The following EIF4E3 variants were observed in gnomAD, a reference collection of about 807,000 sequenced individuals.
EIF4E3 encodes eukaryotic translation initiation factor 4E family member 3, also known as eukaryotic translation initiation factor 4E type 3.
In EIF4E3, 26 loss-of-function variants were observed where a neutral mutation model predicts 31.7. The observed-to-expected ratio is 0.82, with a 90% CI of 0.60 to 1.14. The LOEUF is 1.14. EIF4E3 is among the 50% of genes most tolerant of loss of function. EIF4E3 has a pLI of 0.00. For synonymous variants in EIF4E3, 128 were observed against 107.7 expected (o/e 1.19, Z -1.17); for missense variants, 304 against 270.9 (o/e 1.12, Z -0.86).
intron 6 of EIF4E3, among the ~76,000 whole-genome samples, chr3:71,688,652 C>T (rs2049023361): frequency 6.6e-6 from 1 of 152,088 alleles, no homozygotes. Context: ...ACACTTCCGT[C>T]TATAGAGTTT....
rs552695586 is a variant in EIF4E3, at chr3:71,680,410, T to C, written c.*4272A>G. 1 of 152,326 alleles carries C rather than the reference T, an allele frequency of 6.6e-6. No homozygotes were observed. The highest frequency in any genetic ancestry group is 2.4e-5 in the African/African-American group (1 of 41,568). The allele number at this position is 152,326 out of a possible 1,614,324, so 9.4% of individuals were successfully genotyped here. ...CATGCTAAGGGGTGAGAAGCACTGG[T>C]AGATGATCTCAAAGGTCCCTTCCAC... On this transcript the variant is annotated 3_prime_UTR_variant, in exon 7 of 7. Coordinates refer to ENST00000425534, the MANE Select transcript of EIF4E3 (RefSeq NM_001134651.2).
chr3:71,745,555 G>T (rs1054701005), intron 1 of EIF4E3, among the ~76,000 whole-genome samples: 1 of 152,192 alleles, frequency 6.6e-6, no homozygotes, highest in African/African-American at 2.4e-5. Flanking sequence ...TGCACTATTT[G>T]ATTTTCGACC....
intron 1 of EIF4E3, among the ~76,000 whole-genome samples, chr3:71,747,214 C>A (rs1469898795): frequency 6.6e-6 from 1 of 152,114 alleles, no homozygotes; most frequent in Non-Finnish European, 1.5e-5. Flanking sequence ...AATCATTTTC[C>A]AAACCAGCTG....
At chr3:71,661,018 C>T in the EIF4E3 span, among the ~76,000 whole-genome samples, 1 of 151,966 alleles carries the variant, frequency 6.6e-6, no homozygotes, top group Non-Finnish European at 1.5e-5. Flanking sequence ...GGCAGGGATG[C>T]GAGCGTTTCA....
chr3:71,754,692 C>A, upstream of EIF4E3: 1 of 1,494,024 alleles, frequency 6.7e-7, no homozygotes, highest in Non-Finnish European at 8.9e-7. This position sits in a 1 kb window ranked among gnomAD's most constrained non-coding sequence, Gnocchi z 5.8. Context: ...CCGCAAGATG[C>A]GGCCCGCGCG....
chr3:71,686,720 T>A (rs1172569491), intron 6 of EIF4E3, among the ~76,000 whole-genome samples: 1 of 152,124 alleles, frequency 6.6e-6, no homozygotes, highest in Non-Finnish European at 1.5e-5. Context: ...AATCCAGATA[T>A]ACAGACTATC....
chr3:71,669,806 A>G, the EIF4E3 span, among the ~76,000 whole-genome samples: 3 of 152,234 alleles, frequency 2.0e-5, no homozygotes, highest in African/African-American at 7.2e-5. Context: ...CAGAACAAAA[A>G]AAGGAGAAGA....
chr3:71,693,735 A>G lies in EIF4E3; in HGVS notation c.472+140T>C, dbSNP rs147018749. 1.6e-3 allele frequency: 1,212 copies of G among 772,212 alleles called. 11 individuals are homozygous for G. In the African/African-American group the frequency reaches 0.019, roughly 12 times the overall value. 47.8% of individuals were successfully genotyped at this position (772,212 alleles called of 1,614,324 possible). Reference sequence around the variant, plus strand: ...GAACACGAAAATCACATGAAAAAAAATTGAGTAACTTTGTAGTTCCAAAAT... The same window carrying G: ...GAACACGAAAATCACATGAAAAAAAGTTGAGTAACTTTGTAGTTCCAAAAT... On this transcript the variant is annotated intron_variant, in intron 5 of 6. Coordinates refer to ENST00000425534, the MANE Select transcript of EIF4E3 (RefSeq NM_001134651.2).
At chr3:71,713,198 T>G (rs192217289) in intron 1 of EIF4E3, among the ~76,000 whole-genome samples, 1 of 152,282 alleles carries the variant, frequency 6.6e-6, no homozygotes, top group Non-Finnish European at 1.5e-5. Flanking sequence ...GCTGTCAATA[T>G]TATTTATCAC....
In EIF4E3 at chr3:71,677,785, TA is replaced by T. The variant is rs1235780437; in HGVS notation, c.*6896del. On this transcript the variant is annotated 3_prime_UTR_variant, in exon 7 of 7. Transcript: ENST00000425534. ...TTTGTTTGTTTTTAAAGGAATATAT[TA>T]GACAGCCAGAAAGGAGGAGTAAATT... 1 of 152,128 alleles carries T rather than the reference TA, an allele frequency of 6.6e-6. No homozygotes were observed. The highest frequency in any genetic ancestry group is 2.4e-5 in the African/African-American group (1 of 41,414). The allele number at this position is 152,128 out of a possible 1,614,324, so 9.4% of individuals were successfully genotyped here. A position where few individuals can be genotyped will look rare whatever the true frequency, so the allele number is the denominator to read the frequency against.
chr3:71,671,929 C>T (rs991476217), downstream of EIF4E3, among the ~76,000 whole-genome samples: 1 of 152,076 alleles, frequency 6.6e-6, no homozygotes, highest in African/African-American at 2.4e-5. Flanking sequence ...AAGAAGGATG[C>T]AAGCGATGTC....
chr3:71,707,365 G>C (rs2049308127), intron 2 of EIF4E3, among the ~76,000 whole-genome samples: 1 of 152,204 alleles, frequency 6.6e-6, no homozygotes, highest in Non-Finnish European at 1.5e-5. Flanking sequence ...ACCCTAGCCA[G>C]GTAACTGATG....
At chr3:71,687,674 G>T (rs1388894311) in intron 6 of EIF4E3, among the ~76,000 whole-genome samples, 2 of 152,196 alleles carry the variant, frequency 1.3e-5, no homozygotes, top group African/African-American at 4.8e-5. Context: ...TCTGTGCATT[G>T]TGAGTTTCTC....
At chr3:71,728,350 C>T (rs1051442603), upstream of EIF4E3, 1 of 152,242 alleles carries the variant, frequency 6.6e-6, no homozygotes, top group African/African-American at 2.4e-5. Context: ...GGGAAATTTC[C>T]CTCATCTGGG....
the EIF4E3 span, among the ~76,000 whole-genome samples, chr3:71,664,051 G>A: frequency 1.3e-5 from 2 of 152,178 alleles, no homozygotes; most frequent in Non-Finnish European, 2.9e-5. Context: ...AGCGGCAGGA[G>A]GGGTAATGGG....
intron 5 of EIF4E3, among the ~76,000 whole-genome samples, chr3:71,690,623 G>A (rs947986068): frequency 6.6e-6 from 1 of 152,158 alleles, no homozygotes; most frequent in African/African-American, 2.4e-5. Context: ...AGCTTTCAGG[G>A]ACCTTGGAGT....
At chr3:71,692,531 C>T (rs1302474083) in intron 5 of EIF4E3, among the ~76,000 whole-genome samples, 1 of 151,732 alleles carries the variant, frequency 6.6e-6, no homozygotes, top group Non-Finnish European at 1.5e-5. Context: ...TATCAAGTTG[C>T]TAAATACTCC....
the EIF4E3 span, among the ~76,000 whole-genome samples, chr3:71,668,184 G>A: frequency 2.6e-5 from 4 of 152,134 alleles, no homozygotes; most frequent in South Asian, 2.1e-4. Flanking sequence ...ATAGTGTTGC[G>A]AAAACTGGCT....
the EIF4E3 span, among the ~76,000 whole-genome samples, chr3:71,661,236 G>T: frequency 1.3e-5 from 2 of 151,998 alleles, no homozygotes; most frequent in Non-Finnish European, 2.9e-5. Flanking sequence ...GAGGGTTGGG[G>T]GGCGGGGGCG....
Sources: gnomAD v4.1 joint callset for allele counts (sites outside exome capture counted in the v4.1 genomes callset) on GRCh38, gnomAD v4.1.1 for gene constraint, Gnocchi (gnomAD v3.1) non-coding constraint, MANE v1.5 for transcripts, NCBI Gene and HGNC (gene_info 2026-07-23, HGNC 2026-07-21) for gene names.